Variants in ZNF609 observed in about 807,000 individuals in gnomAD.
ZNF609 encodes the protein zinc finger protein 609.
ZNF609 carries 11 observed loss-of-function variants against 109.5 expected under a neutral mutation model. That is an observed-to-expected ratio of 0.10 (90% confidence interval 0.06 to 0.17). The LOEUF is 0.17. ZNF609 is among the 10% of genes least tolerant of loss of function. ZNF609 has a pLI of 1.00. For synonymous variants in ZNF609, 646 were observed against 662.0 expected, an observed-to-expected ratio of 0.98 and a Z score of 0.37; for missense variants, 1,559 against 1,772.4, an observed-to-expected ratio of 0.88 and a Z score of 2.16.
intron 3 of ZNF609, among the ~76,000 whole-genome samples, chr15:64,649,277 A>G (rs1053766991): frequency 1.3e-5 from 2 of 152,070 alleles, no homozygotes; most frequent in Non-Finnish European, 2.9e-5. Flanking sequence ...ACTCATTATC[A>G]CTGTATAGGA....
chr15:64,549,283 C>T (rs143733079), intron 2 of ZNF609, among the ~76,000 whole-genome samples: 1,978 of 152,098 alleles, frequency 0.013, 32 homozygotes, highest in African/African-American at 0.046. Flanking sequence ...CTCCGCCTCC[C>T]GGGTTCAAGC....
intron 2 of ZNF609, among the ~76,000 whole-genome samples, chr15:64,522,253 A>C (rs995740193): frequency 2.0e-5 from 3 of 152,230 alleles, no homozygotes; most frequent in African/African-American, 7.2e-5. Flanking sequence ...AAGAATTTGG[A>C]AAATTCAGAA....
intron 7 of ZNF609, 71 bp from the exon 8 acceptor site, chr15:64,680,561 TTGTGTGTGTGTGTG>T (rs147044397): frequency 2.6e-6 from 3 of 1,132,822 alleles, no homozygotes; most frequent in Non-Finnish European, 2.5e-6. Context: ...GGCATCTCAC[TTGTGTGTGTGTGTG>T]TGTGTGTGTG....
At chr15:64,485,945 C>T (rs1004936152) in intron 1 of ZNF609, among the ~76,000 whole-genome samples, 2 of 152,124 alleles carry the variant, frequency 1.3e-5, no homozygotes, top group Non-Finnish European at 2.9e-5. Flanking sequence ...TACTCATAAT[C>T]ACTTTTGTAT....
intron 3 of ZNF609, among the ~76,000 whole-genome samples, chr15:64,650,597 C>A (rs139924859): frequency 1.3e-5 from 2 of 152,082 alleles, no homozygotes; most frequent in East Asian, 3.9e-4. Flanking sequence ...CAAAACAGTA[C>A]CTATACTTTA....
At chr15:64,550,839 G>GA (rs35566414) in intron 2 of ZNF609, among the ~76,000 whole-genome samples, 880 of 74,946 alleles carry the variant, frequency 0.012, 4 homozygotes, top group Non-Finnish European at 0.02. Context: ...TCTGTCTCGG[G>GA]AAAAAAAAAA....
chr15:64,635,726 A>G (rs1391808194), intron 3 of ZNF609, among the ~76,000 whole-genome samples: 2 of 152,234 alleles, frequency 1.3e-5, no homozygotes, highest in African/African-American at 4.8e-5. Flanking sequence ...AAAGTTGGCA[A>G]CTAGCCTTTT....
chr15:64,607,868 TTTC>T (rs1567027751), intron 2 of ZNF609, among the ~76,000 whole-genome samples: 111 of 27,540 alleles, frequency 4.0e-3, no homozygotes, highest in African/African-American at 7.7e-3. Flanking sequence ...TCTTTCTTTC[TTTC>T]TTTCTTTCTT....
At chr15:64,637,994 T>TTATATATATATATATATA (rs3057845) in intron 3 of ZNF609, among the ~76,000 whole-genome samples, 10 of 134,362 alleles carry the variant, frequency 7.4e-5, no homozygotes, top group African/African-American at 2.7e-4. Context: ...GAACCTTGTT[T>TTATATATATATATATATA]TATATATATA....
At chr15:64,588,156 C>T (rs1468851896) in intron 2 of ZNF609, among the ~76,000 whole-genome samples, 15 of 148,076 alleles carry the variant, frequency 1.0e-4, no homozygotes, top group Non-Finnish European at 2.1e-4. Flanking sequence ...AGGCCGGGTG[C>T]GGTGGCTCAC....
intron 2 of ZNF609, among the ~76,000 whole-genome samples, chr15:64,570,108 C>G (rs1323313240): frequency 6.6e-6 from 1 of 152,198 alleles, no homozygotes; most frequent in Non-Finnish European, 1.5e-5. Flanking sequence ...GATCCCCCTG[C>G]CTTAACTTCC....
At chr15:64,630,463 G>A (rs1896053274) in intron 3 of ZNF609, among the ~76,000 whole-genome samples, 1 of 151,888 alleles carries the variant, frequency 6.6e-6, no homozygotes, top group South Asian at 2.1e-4. Context: ...GGTTTCTCTA[G>A]GAATTACAGT....
At chr15:64,561,896 G>T (rs1369896972) in intron 2 of ZNF609, among the ~76,000 whole-genome samples, 1 of 152,090 alleles carries the variant, frequency 6.6e-6, no homozygotes, top group African/African-American at 2.4e-5. Flanking sequence ...TTCAAAGCGG[G>T]CTTAGTACAT....
At chr15:64,594,252 A>G (rs1027568729) in intron 2 of ZNF609, among the ~76,000 whole-genome samples, 2 of 152,132 alleles carry the variant, frequency 1.3e-5, no homozygotes, top group African/African-American at 4.8e-5. Context: ...AAAACTACAT[A>G]TGCACTATGT....
At chr15:64,584,320 T>C (rs911999870) in intron 2 of ZNF609, among the ~76,000 whole-genome samples, 1 of 152,068 alleles carries the variant, frequency 6.6e-6, no homozygotes, top group Non-Finnish European at 1.5e-5. Context: ...TATCTACTTA[T>C]TTTTATTTAT....
At chr15:64,574,728 C>T (rs916741326) in intron 2 of ZNF609, among the ~76,000 whole-genome samples, 1 of 152,116 alleles carries the variant, frequency 6.6e-6, no homozygotes, top group Non-Finnish European at 1.5e-5. Context: ...TGCCCTGATG[C>T]CCCCTCCCTC....
intron 2 of ZNF609, among the ~76,000 whole-genome samples, chr15:64,607,952 A>G (rs1438902739): frequency 8.4e-5 from 10 of 118,642 alleles, no homozygotes; most frequent in Non-Finnish European, 8.0e-5. Flanking sequence ...GGGCTAGAGT[A>G]GGGTGGCAGG....
At chr15:64,528,686 TG>T in intron 2 of ZNF609, 2 of 1,176,908 alleles carry the variant, frequency 1.7e-6, no homozygotes, top group Non-Finnish European at 2.5e-6. Context: ...GGAGGCATTG[TG>T]GGCCATGAGG....
chr15:64,530,084 G>A (rs1032219990), intron 2 of ZNF609, among the ~76,000 whole-genome samples: 2 of 150,608 alleles, frequency 1.3e-5, no homozygotes, highest in Admixed American at 1.3e-4. Context: ...GTGTGATCTC[G>A]GCTCACTGCA....
Sources: gnomAD v4.1 joint callset for allele counts (sites outside exome capture counted in the v4.1 genomes callset) on GRCh38, gnomAD v4.1.1 for gene constraint, MANE v1.5 for transcripts, NCBI Gene and HGNC (gene_info 2026-07-23, HGNC 2026-07-21) for gene names.